The following DYNAP variants were observed in gnomAD, a reference collection of about 807,000 sequenced individuals.
The protein encoded by DYNAP is dynactin associated protein.
A neutral mutation model predicts 8.5 loss-of-function variants in DYNAP; 7 were observed. That is an observed-to-expected ratio of 0.82 (90% CI 0.47 to 1.54). The LOEUF is 1.54. Among genes scored for constraint, DYNAP ranks in the 40% most tolerant of loss-of-function variants. The pLI, the probability that DYNAP is intolerant of heterozygous loss-of-function variation, is 0.01. For missense variants in DYNAP, 256 were observed against 224.3 expected, an observed-to-expected ratio of 1.14 and a Z score of -0.90; for synonymous variants, 77 against 77.9, an observed-to-expected ratio of 0.99 and a Z score of 0.06.
chr18:54,597,518 T>A (rs563300555), intron 2 of DYNAP, among the ~76,000 whole-genome samples: 7 of 152,322 alleles, frequency 4.6e-5, no homozygotes, highest in African/African-American at 1.7e-4. Flanking sequence ...ATTTCCTGCT[T>A]AGTTTTGCTG....
chr18:54,579,336 T>C, the DYNAP span, among the ~76,000 whole-genome samples: 2 of 152,232 alleles, frequency 1.3e-5, no homozygotes, highest in Non-Finnish European at 2.9e-5. Context: ...GGTTTTGGTA[T>C]AGAATTCTTG....
chr18:54,583,856 A>G (rs368505587), upstream of DYNAP, among the ~76,000 whole-genome samples: 130 of 152,304 alleles, frequency 8.5e-4, no homozygotes, highest in African/African-American at 3.1e-3. Context: ...CCTTCTGAGA[A>G]CCGATCACCT....
chr18:54,591,227 A>G, upstream of DYNAP: 2 of 1,612,440 alleles, frequency 1.2e-6, no homozygotes, highest in South Asian at 2.2e-5. Context: ...ATAAAGGGCA[A>G]TGAACAAATT....
the DYNAP span, among the ~76,000 whole-genome samples, chr18:54,581,507 A>C: frequency 6.6e-6 from 1 of 152,252 alleles, no homozygotes; most frequent in Non-Finnish European, 1.5e-5. Context: ...AGCTGATTCT[A>C]ATGCATAGGC....
Position 54,599,050 on chromosome 18 carries a change from C to T in DYNAP, c.*905C>T, listed in dbSNP as rs971247373. On this transcript the variant is annotated 3_prime_UTR_variant, in exon 3 of 3. Transcript: ENST00000648945. ...GAAGCCCCAACTTTGAGTTGTCCTG[C>T]CTTTCTGAACCAAGCCAATGTATTT... 6.6e-6 allele frequency: 1 copy of T among 152,074 alleles called. No homozygotes were observed. Among genetic ancestry groups the T allele is most frequent in the South Asian group, 2.1e-4 (1 of 4,820 alleles). 9.4% of individuals were successfully genotyped at this position (152,074 alleles called of 1,614,324 possible).
chr18:54,598,626 T>TA lies in DYNAP; in HGVS notation c.*482dup, dbSNP rs1443142473. On this transcript the variant is annotated 3_prime_UTR_variant, in exon 3 of 3. Transcript: ENST00000648945. ...TTATTTAACCCTGTATATTGTGACTTACTTTCTAATCTGACTCTGGCATAA... is the reference window on the plus strand; with the variant it reads ...TTATTTAACCCTGTATATTGTGACTTAACTTTCTAATCTGACTCTGGCATAA... 2.0e-5 allele frequency: 3 copies of TA among 153,614 alleles called. No individual in the cohort carries two copies. The highest frequency in any genetic ancestry group is 4.3e-5 in the Non-Finnish European group (3 of 69,006). 9.5% of individuals were successfully genotyped at this position (153,614 alleles called of 1,614,324 possible). A position where few individuals can be genotyped will look rare whatever the true frequency, so the allele number is the denominator to read the frequency against.
At chr18:54,585,458 A>G (rs4801120), upstream of DYNAP, among the ~76,000 whole-genome samples, 72,228 of 151,846 alleles carry the variant, frequency 0.48, 18,262 homozygotes, top group East Asian at 0.69. Context: ...ACTTTCCCCC[A>G]GTGCCTTGCC....
chr18:54,582,082 C>A, the DYNAP span, among the ~76,000 whole-genome samples: 1 of 152,108 alleles, frequency 6.6e-6, no homozygotes, highest in African/African-American at 2.4e-5. Flanking sequence ...GTCAAGAGAT[C>A]CAGACCATCC....
the DYNAP span, among the ~76,000 whole-genome samples, chr18:54,577,153 A>G: frequency 8.6e-4 from 131 of 152,340 alleles, no homozygotes; most frequent in African/African-American, 3.1e-3. Context: ...ATGCTTGCCT[A>G]AATCTCCTTT....
the DYNAP span, among the ~76,000 whole-genome samples, chr18:54,582,604 A>G: frequency 6.6e-6 from 1 of 152,192 alleles, no homozygotes; most frequent in African/African-American, 2.4e-5. Context: ...CTTTATTCAA[A>G]AAAAGGCTTT....
chr18:54,575,626 C>CG, the DYNAP span, among the ~76,000 whole-genome samples: 3 of 151,862 alleles, frequency 2.0e-5, no homozygotes, highest in Non-Finnish European at 2.9e-5. Context: ...TTTGTAGAGA[C>CG]GGGGGTCTCA....
the DYNAP span, among the ~76,000 whole-genome samples, chr18:54,577,882 G>A: frequency 0.013 from 1,928 of 148,454 alleles, 34 homozygotes; most frequent in African/African-American, 0.044. Flanking sequence ...CAGAAGAATC[G>A]CTTGAACCCG....
chr18:54,590,859 A>G (rs1255904707), upstream of DYNAP, among the ~76,000 whole-genome samples: 1 of 152,140 alleles, frequency 6.6e-6, no homozygotes, highest in Non-Finnish European at 1.5e-5. Flanking sequence ...ATGGGTACCT[A>G]AGAGGTGGTG....
chr18:54,594,707 T>C lies in DYNAP; in HGVS notation c.58-232T>C, dbSNP rs138600030. Among the ~76,000 whole-genome samples the C allele has an allele frequency of 3.1e-3, 472 of 152,264 alleles. 2 individuals are homozygous for C. The highest frequency in any genetic ancestry group is 0.011 in the African/African-American group (449 of 41,572). ...GGATATTCGATCCATTTATGTAATATCATGAGGAAGAGGATACACATTCCT... is the reference window on the plus strand; with the variant it reads ...GGATATTCGATCCATTTATGTAATACCATGAGGAAGAGGATACACATTCCT... On this transcript the variant is annotated intron_variant, in intron 1 of 2. Transcript: ENST00000648945.
At chr18:54,596,838 T>C (rs1387199736) in intron 2 of DYNAP, among the ~76,000 whole-genome samples, 2 of 152,126 alleles carry the variant, frequency 1.3e-5, no homozygotes, top group Non-Finnish European at 2.9e-5. Context: ...AAGAGGACGT[T>C]ATTTGTCCTA....
chr18:54,593,233 T>C (rs1235814070), intron 1 of DYNAP, among the ~76,000 whole-genome samples: 3 of 152,164 alleles, frequency 2.0e-5, no homozygotes, highest in Non-Finnish European at 4.4e-5. Flanking sequence ...TAATAATTCC[T>C]AATGGGTCAA....
Position 54,595,034 on chromosome 18 carries a change from T to A in DYNAP, c.153T>A (p.Thr51=). The change falls in exon 2 of 3, where the codon ACT becomes ACA. Residue 51 remains threonine (T), a synonymous_variant. Transcript: ENST00000648945. ...CCAGTGATGTCTCTCCCAACTTAACTGGGGTCTGCGTGAACCCAGGAATCC... is the reference window on the plus strand; with the variant it reads ...CCAGTGATGTCTCTCCCAACTTAACAGGGGTCTGCGTGAACCCAGGAATCC... The part of the protein sequence containing the change: ...DITSDVSPNL[T]GVCVNPGILA... The A allele has an allele frequency of 6.2e-7, 1 of 1,612,900 alleles. No homozygotes were observed. The highest frequency in any genetic ancestry group is 8.5e-7 in the Non-Finnish European group (1 of 1,179,184).
chr18:54,589,863 A>G (rs536582948), upstream of DYNAP, among the ~76,000 whole-genome samples: 1 of 152,264 alleles, frequency 6.6e-6, no homozygotes, highest in South Asian at 2.1e-4. Context: ...AAATCAATCA[A>G]AAAGTCTTTC....
chr18:54,595,022 T>C lies in DYNAP; in HGVS notation c.141T>C (p.Ser47=). 2.5e-6 allele frequency: 4 copies of C among 1,612,892 alleles called. No homozygotes were observed. Among genetic ancestry groups the C allele is most frequent in the Non-Finnish European group, 3.4e-6 (4 of 1,179,212 alleles). The change falls in exon 2 of 3, where the codon TCT becomes TCC. Residue 47 remains serine, a synonymous_variant. Coordinates refer to ENST00000648945, the MANE Select transcript of DYNAP (RefSeq NM_173629.3). The part of the protein sequence containing the change: ...LPSNDITSDV[S]PNLTGVCVNP... ...CAAATGATATAACCAGTGATGTCTC[T>C]CCCAACTTAACTGGGGTCTGCGTGA...
Sources: gnomAD v4.1 joint callset for allele counts (sites outside exome capture counted in the v4.1 genomes callset) on GRCh38, gnomAD v4.1.1 for gene constraint, MANE v1.5 for transcripts, NCBI Gene and HGNC (gene_info 2026-07-23, HGNC 2026-07-21) for gene names.